CEP20: variants seen among roughly 807,000 people sequenced by gnomAD.
The protein encoded by CEP20 is FGFR1OP N-terminal like.
A neutral mutation model predicts 20.0 loss-of-function variants in CEP20; 18 were observed. That is an observed-to-expected ratio of 0.90 (90% CI 0.62 to 1.34). The LOEUF is 1.34. Ranked by LOEUF, CEP20 falls within the 40% of genes most tolerant of loss-of-function variation. The pLI, the probability that CEP20 is intolerant of heterozygous loss-of-function variation, is 0.00. For synonymous variants in CEP20, 77 were observed against 73.7 expected, an observed-to-expected ratio of 1.04 and a Z score of -0.23; for missense variants, 215 against 201.6, an observed-to-expected ratio of 1.07 and a Z score of -0.40.
chr16:15,877,007 C>G (rs1196309386), intron 3 of CEP20, among the ~76,000 whole-genome samples: 1 of 151,894 alleles, frequency 6.6e-6, no homozygotes, highest in Non-Finnish European at 1.5e-5. Context: ...CATCCGCCAC[C>G]TTGCCCGGCT....
rs1198243757 is a variant in CEP20 at position 15,866,542 on chromosome 16, C to T, written c.*898G>A. ...GATAGCACATACTATTTTTCTATCC[C>T]AAGAATAAAAATTGATGTTTGGTAA... is the stretch of plus-strand genomic sequence containing the variant. On this transcript the variant is annotated 3_prime_UTR_variant, in exon 5 of 5. Coordinates refer to ENST00000255759, the MANE Select transcript of CEP20 (RefSeq NM_144600.4). 6.6e-6 allele frequency: 1 copy of T among 152,132 alleles called. No homozygotes were observed. Among genetic ancestry groups the T allele is most frequent in the African/African-American group, 2.4e-5 (1 of 41,428 alleles). The allele number at this position is 152,132 out of a possible 1,614,324, so 9.4% of individuals were successfully genotyped here. A position where few individuals can be genotyped will look rare whatever the true frequency, so the allele number is the denominator to read the frequency against.
intron 3 of CEP20, among the ~76,000 whole-genome samples, chr16:15,879,602 A>G (rs1367061070): frequency 6.6e-6 from 1 of 152,206 alleles, no homozygotes; most frequent in Admixed American, 6.6e-5. Context: ...GAAGATGCTG[A>G]GTCACTCTGA....
rs181166452 is a variant in CEP20, at chr16:15,883,159, C to T, written c.226+849G>A. The T allele has an allele frequency of 6.6e-5, 10 of 152,190 alleles. No individual in the cohort carries two copies. The East Asian group carries it at 1.9e-3, about 30-fold the overall frequency. The allele number at this position is 152,190 out of a possible 1,614,324, so 9.4% of individuals were successfully genotyped here. ...GGTGGATCACCTGAGCCCAGGAGTT[C>T]AATACCAGGCTGGGCAACATAGTGA... On this transcript the variant is annotated intron_variant, in intron 2 of 4. Transcript: ENST00000255759.
chr16:15,871,576 T>C (rs1429550720), intron 4 of CEP20, among the ~76,000 whole-genome samples: 6 of 152,186 alleles, frequency 3.9e-5, no homozygotes, highest in African/African-American at 1.4e-4. Flanking sequence ...ATAATCTATA[T>C]GTGGAAAGGT....
chr16:15,873,092 A>T (rs904708382), intron 4 of CEP20, among the ~76,000 whole-genome samples: 2 of 147,534 alleles, frequency 1.4e-5, no homozygotes, highest in African/African-American at 5.3e-5. Context: ...TTTTTTTTTA[A>T]ATTTAATTAA....
In CEP20 at chr16:15,866,453, A is replaced by C. The variant is rs1284214462; in HGVS notation, c.*987T>G. On this transcript the variant is annotated 3_prime_UTR_variant, in exon 5 of 5. Transcript: ENST00000255759. ...TCATCATAGTCAGTTGTTTTCAATG[A>C]AATGAGCCTGTGGACACTACATTAA... 1 of 152,244 alleles carries C rather than the reference A, an allele frequency of 6.6e-6. No individual in the cohort carries two copies. Among genetic ancestry groups the C allele is most frequent in the East Asian group, 1.9e-4 (1 of 5,204 alleles). 9.4% of individuals were successfully genotyped at this position (152,244 alleles called of 1,614,324 possible). A position where few individuals can be genotyped will look rare whatever the true frequency, so the allele number is the denominator to read the frequency against.
At chr16:15,876,066 CA>C (rs199971058) in intron 3 of CEP20, among the ~76,000 whole-genome samples, 10,335 of 96,640 alleles carry the variant, frequency 0.11, 405 homozygotes, top group East Asian at 0.27. Context: ...TCATTGCACT[CA>C]AAAAAAAAAA....
intron 2 of CEP20, 80 bp downstream of exon 2, chr16:15,883,928 T>C (rs763099141): frequency 3.1e-5 from 39 of 1,262,732 alleles, no homozygotes; most frequent in African/African-American, 4.4e-5. Context: ...GTAAGGGAAT[T>C]AGATTTCTAG....
chr16:15,877,247 T>C (rs918256934), intron 3 of CEP20: 9 of 152,428 alleles, frequency 5.9e-5, no homozygotes, highest in Non-Finnish European at 1.3e-4. Flanking sequence ...TTTTAGTTTA[T>C]GTGCTGTTAA....
rs76866813 is a variant in CEP20 at position 15,883,468 on chromosome 16, C to T, written c.226+540G>A. On this transcript the variant is annotated intron_variant, in intron 2 of 4. Transcript: ENST00000255759. ...CAGAGCACATGGGCTCACATGATCA[C>T]CCCCTCCCCGACCCCTGCTCAGCCT... 1.5e-3 allele frequency among the ~76,000 whole-genome samples: 233 copies of T among 152,166 alleles called. 2 individuals are homozygous for T. The East Asian group carries it at 0.031, about 21-fold the overall frequency.
intron 3 of CEP20, among the ~76,000 whole-genome samples, chr16:15,876,852 C>CTTT (rs150019067): frequency 1.5e-5 from 2 of 135,962 alleles, no homozygotes; most frequent in African/African-American, 2.7e-5. Context: ...CTCAAACTTA[C>CTTT]TTTTTTTTTT....
chr16:15,880,083 T>C (rs2045063593), intron 2 of CEP20, among the ~76,000 whole-genome samples, 195 bp from the exon 3 acceptor site: 2 of 152,256 alleles, frequency 1.3e-5, no homozygotes, highest in South Asian at 4.1e-4. Flanking sequence ...CATGTCTTAA[T>C]ACAGTTTAAC....
upstream of CEP20, chr16:15,888,603 GGCCGCAC>G: frequency 1.2e-6 from 2 of 1,613,908 alleles, no homozygotes. Flanking sequence ...CGGCCGCCAG[GGCCGCAC>G]CGCGGCCCTG....
intron 3 of CEP20, 106 bp from the exon 4 acceptor site, chr16:15,873,733 G>A: frequency 7.9e-7 from 1 of 1,260,566 alleles, no homozygotes; most frequent in Non-Finnish European, 1.0e-6. Context: ...ACATCAAAAA[G>A]ACCAAGTGAT....
chr16:15,888,573 C>G lies in CEP20; in HGVS notation c.13G>C (p.Ala5Pro). 6.2e-7 allele frequency: 1 copy of G among 1,614,194 alleles called. No homozygotes were observed. ...TCGCACTCACCAGCCTTCAACTCTG[C>G]CACAGTCGCCATTTTTCAACGGCCG... MATVAELKAVLKDTL... is the reference protein window; with the variant it reads MATVPELKAVLKDTL... Residue 5 changes from alanine to proline, a missense_variant, in exon 1 of 5, where the codon GCA (alanine) becomes CCA (proline). Physicochemically the swap from Ala to Pro is conservative, Grantham distance 27 (BLOSUM62 -1). Coordinates refer to ENST00000255759, the MANE Select transcript of CEP20 (RefSeq NM_144600.4).
chr16:15,877,938 T>C (rs2044996032), intron 3 of CEP20, among the ~76,000 whole-genome samples: 1 of 151,976 alleles, frequency 6.6e-6, no homozygotes, highest in African/African-American at 2.4e-5. Flanking sequence ...TGCACACCTG[T>C]AATCCCAGCT....
At chr16:15,877,902 G>GA (rs969043995) in intron 3 of CEP20, among the ~76,000 whole-genome samples, 1 of 151,546 alleles carries the variant, frequency 6.6e-6, no homozygotes, top group African/African-American at 2.4e-5. Flanking sequence ...AAAAAAATAT[G>GA]AAAAAAAATT....
Position 15,870,475 on chromosome 16 carries a change from G to A in CEP20, c.449-2959C>T, listed in dbSNP as rs1320598028. ...CTTTGAACCAACAACTCTACTTTAGGCATCCACACAAGAGAAACGTGTAGA... is the reference window on the plus strand; with the variant it reads ...CTTTGAACCAACAACTCTACTTTAGACATCCACACAAGAGAAACGTGTAGA... On this transcript the variant is annotated intron_variant, in intron 4 of 4. Transcript: ENST00000255759. Among the ~76,000 whole-genome samples the A allele has an allele frequency of 4.0e-5, 6 of 151,810 alleles. 1 individual carries two copies. The highest frequency in any genetic ancestry group is 2.9e-5 in the Non-Finnish European group (2 of 67,984).
At chr16:15,876,760 G>A (rs1372130253) in intron 3 of CEP20, among the ~76,000 whole-genome samples, 2 of 151,434 alleles carry the variant, frequency 1.3e-5, no homozygotes, top group Non-Finnish European at 2.9e-5. Context: ...TGAAGTGTGA[G>A]AAACAAGGGC....
Sources: gnomAD v4.1 joint callset for allele counts (sites outside exome capture counted in the v4.1 genomes callset) on GRCh38, gnomAD v4.1.1 for gene constraint, MANE v1.5 for transcripts, NCBI Gene and HGNC (gene_info 2026-07-23, HGNC 2026-07-21) for gene names.